The following CA5A variants were observed in gnomAD, a reference collection of about 807,000 sequenced individuals.
The protein encoded by CA5A is carbonic anhydrase 5A.
A neutral mutation model predicts 37.1 loss-of-function variants in CA5A; 28 were observed. The observed-to-expected ratio is 0.75, with a 90% CI of 0.56 to 1.03. The LOEUF (loss-of-function observed/expected upper bound fraction) is 1.03. CA5A is among the 50% of genes least tolerant of loss of function. The pLI is 0.00. For missense variants in CA5A, 444 were observed against 399.9 expected, an observed-to-expected ratio of 1.11 and a Z score of -0.94; for synonymous variants, 171 against 158.4, an observed-to-expected ratio of 1.08 and a Z score of -0.60.
In CA5A at chr16:87,911,895, G is replaced by A. The variant is rs1209693400; in HGVS notation, c.341-6991C>T. 1.3e-5 allele frequency among the ~76,000 whole-genome samples: 2 copies of A among 152,204 alleles called. No homozygotes were observed. Among genetic ancestry groups the A allele is most frequent in the Admixed American group, 6.5e-5 (1 of 15,272 alleles). On this transcript the variant is annotated intron_variant, in intron 2 of 6. Coordinates refer to ENST00000649794, the MANE Select transcript of CA5A (RefSeq NM_001739.2). The surrounding 1 kb of genome is among the most constrained non-coding windows in gnomAD (Gnocchi z 4.6). ...ACTTCAGGGGCCCATGGCAAGGATTGAGTACGGTGATGCTTACAAAGTACC... is the reference window on the plus strand; with the variant it reads ...ACTTCAGGGGCCCATGGCAAGGATTAAGTACGGTGATGCTTACAAAGTACC...
downstream of CA5A, chr16:87,883,335 T>C (rs1475840778): frequency 6.8e-6 from 1 of 147,274 alleles, no homozygotes; most frequent in Non-Finnish European, 1.5e-5. Flanking sequence ...AGTTTTTTTT[T>C]TTTTTTCTTT....
intron 2 of CA5A, among the ~76,000 whole-genome samples, chr16:87,925,371 G>A (rs1337953621): frequency 2.6e-5 from 4 of 152,202 alleles, no homozygotes; most frequent in African/African-American, 7.2e-5. Context: ...AGGGAAGACG[G>A]ACAGGACGGA....
intron 3 of CA5A, among the ~76,000 whole-genome samples, chr16:87,903,580 AAT>A (rs2055912466): frequency 6.6e-6 from 1 of 152,260 alleles, no homozygotes; most frequent in Non-Finnish European, 1.5e-5. Flanking sequence ...ACAATTTATA[AAT>A]ATGTGTATGA....
At chr16:87,895,910 C>A (rs1482563909) in intron 5 of CA5A, among the ~76,000 whole-genome samples, 2 of 152,188 alleles carry the variant, frequency 1.3e-5, no homozygotes, top group Non-Finnish European at 2.9e-5. Context: ...ATTGCACGCT[C>A]TAGCTGGGCT....
intron 2 of CA5A, among the ~76,000 whole-genome samples, chr16:87,913,242 G>T (rs969442729): frequency 1.3e-5 from 2 of 151,512 alleles, no homozygotes; most frequent in African/African-American, 4.9e-5. Flanking sequence ...GCCTCCCAAA[G>T]TGCTGGGATT....
Position 87,891,867 on chromosome 16 carries a change from T to A in CA5A, c.706A>T (p.Thr236Ser). 1.3e-6 allele frequency: 2 copies of A among 1,551,030 alleles called. No homozygotes were observed. Among genetic ancestry groups the A allele is most frequent in the Non-Finnish European group, 1.7e-6 (2 of 1,151,286 alleles). ...DYWTYAGSLT[T>S]PPLTESVTWI... ...GTGACCGACTCGGTCAGCGGCGGGG[T>A]GGTGAGCGAGCCCGCGTAGGTCCAG... Residue 236 changes from threonine to serine, a missense_variant, in exon 6 of 7, where the codon ACC becomes TCC. Transcript: ENST00000649794.
intron 3 of CA5A, among the ~76,000 whole-genome samples, chr16:87,904,128 G>C (rs958401244): frequency 2.6e-5 from 4 of 152,114 alleles, no homozygotes; most frequent in African/African-American, 4.8e-5. Flanking sequence ...GATCACTTGA[G>C]GTCAGGAGTT....
At chr16:87,908,416 A>G (rs1221201388) in intron 2 of CA5A, among the ~76,000 whole-genome samples, 1 of 152,194 alleles carries the variant, frequency 6.6e-6, no homozygotes, top group African/African-American at 2.4e-5. Context: ...GGGGCTCCGC[A>G]GCTTCGTCTG....
chr16:87,888,485 G>A lies in CA5A; in HGVS notation c.775-213C>T, dbSNP rs370466243. Among the ~76,000 whole-genome samples the A allele has an allele frequency of 2.6e-4, 39 of 152,250 alleles. 1 individual carries two copies. In the South Asian group the frequency reaches 7.7e-3, roughly 30 times the overall value. The stretch of plus-strand genomic sequence containing the variant: ...GTCTTTAGGATCACTTGCTCTGGGG[G>A]GAAGCTGGTCGCCATATTGGGAGGG... On this transcript the variant is annotated intron_variant, in intron 6 of 6. Transcript: ENST00000649794.
chr16:87,926,524 G>A (rs1034141769), intron 2 of CA5A, among the ~76,000 whole-genome samples: 10 of 152,214 alleles, frequency 6.6e-5, no homozygotes, highest in African/African-American at 2.4e-4. Flanking sequence ...TGCAGGTGCC[G>A]GCGGTATTCT....
At chr16:87,936,194 AGTGG>A in intron 1 of CA5A, 111 bp downstream of exon 1, 26 of 542,716 alleles carry the variant, frequency 4.8e-5, no homozygotes, top group Admixed American at 1.2e-4. Flanking sequence ...AAAAAAACGG[AGTGG>A]AAATCTGAAC....
intron 2 of CA5A, among the ~76,000 whole-genome samples, chr16:87,917,704 AAC>A (rs1465336965): frequency 6.7e-6 from 1 of 148,526 alleles, no homozygotes; most frequent in African/African-American, 2.5e-5. Flanking sequence ...CCCGCACACG[AAC>A]ACACACATGA....
rs558421023 is a variant in CA5A at position 87,911,552 on chromosome 16, C to T, written c.341-6648G>A. 6.6e-5 allele frequency among the ~76,000 whole-genome samples: 10 copies of T among 152,242 alleles called. No homozygotes were observed. The highest frequency in any genetic ancestry group is 3.9e-4 in the Admixed American group (6 of 15,288). On this transcript the variant is annotated intron_variant, in intron 2 of 6. Transcript: ENST00000649794. The surrounding 1 kb of genome is among the most constrained non-coding windows in gnomAD (Gnocchi z 4.6). Reference sequence around the variant, plus strand: ...CAAATAACATGATGCTGCAAAGGACCGGCCTGCTTCCGGTGCCACTCTGGG... The same window carrying T: ...CAAATAACATGATGCTGCAAAGGACTGGCCTGCTTCCGGTGCCACTCTGGG...
At chr16:87,895,097 A>G (rs2055783002) in intron 5 of CA5A, among the ~76,000 whole-genome samples, 1 of 152,054 alleles carries the variant, frequency 6.6e-6, no homozygotes, top group African/African-American at 2.4e-5. Context: ...AAAAAATACA[A>G]AAACTAGCCA....
At chr16:87,901,838 C>T in intron 5 of CA5A, 74 bp downstream of exon 5, 3 of 1,297,242 alleles carry the variant, frequency 2.3e-6, no homozygotes, top group South Asian at 1.2e-5. Flanking sequence ...CCACCTGCCT[C>T]AGCCTCCCAA....
chr16:87,915,989 A>G (rs116048618), intron 2 of CA5A, among the ~76,000 whole-genome samples: 3,152 of 151,986 alleles, frequency 0.021, 106 homozygotes, highest in African/African-American at 0.072. Context: ...CAATCACGGC[A>G]GAAGGCGAAA....
rs11314702 is a variant in CA5A, at chr16:87,911,099, C to CAAAAA, written c.341-6200_341-6196dup. Among the ~76,000 whole-genome samples, 1 of 96,558 alleles carries CAAAAA rather than the reference C, an allele frequency of 1.0e-5. No homozygotes were observed. The highest frequency in any genetic ancestry group is 3.4e-5 in the African/African-American group (1 of 29,732). The allele number at this position is 96,558 out of a possible 152,430, so 63.3% of individuals were successfully genotyped here. On this transcript the variant is annotated intron_variant, in intron 2 of 6. Transcript: ENST00000649794. The surrounding 1 kb of genome is among the most constrained non-coding windows in gnomAD (Gnocchi z 4.6). ...ACAATGTCAGGGTATTCTCCTTAAT[C>CAAAAA]AAAAAAAAAAAAAAAAAAAAAGGCA...
chr16:87,882,486 C>G, intron 4 of CA5A: 1 of 152,250 alleles, frequency 6.6e-6, no homozygotes. Context: ...TTTTGTGGAA[C>G]TTGTCGCAAC....
chr16:87,925,977 C>A (rs545946955), intron 2 of CA5A, among the ~76,000 whole-genome samples: 190 of 152,328 alleles, frequency 1.2e-3, no homozygotes, highest in African/African-American at 4.1e-3. Flanking sequence ...AACCCCAGCA[C>A]TTTGGGAGGC....
Sources: gnomAD v4.1 joint callset for allele counts (sites outside exome capture counted in the v4.1 genomes callset) on GRCh38, gnomAD v4.1.1 for gene constraint, Gnocchi (gnomAD v3.1) non-coding constraint, MANE v1.5 for transcripts, NCBI Gene and HGNC (gene_info 2026-07-23, HGNC 2026-07-21) for gene names.